DMXL2: variants seen among roughly 807,000 people sequenced by gnomAD.
DMXL2 encodes Dmx like 2.
Under a neutral mutation model 331.1 loss-of-function variants are expected in DMXL2, and 103 were observed. That is an observed-to-expected ratio of 0.31 (90% CI 0.27 to 0.37). The LOEUF (loss-of-function observed/expected upper bound fraction) is 0.37. DMXL2 is among the 10% of genes least tolerant of loss of function. DMXL2 has a pLI of 1.00. For synonymous variants in DMXL2, 1,281 were observed against 1,252.1 expected, an observed-to-expected ratio of 1.02 and a Z score of -0.49; for missense variants, 3,171 against 3,642.9, an observed-to-expected ratio of 0.87 and a Z score of 3.33.
intron 10 of DMXL2, among the ~76,000 whole-genome samples, 172 bp downstream of exon 10, chr15:51,538,041 T>C (rs2048380984): frequency 1.3e-5 from 2 of 152,228 alleles, no homozygotes; most frequent in South Asian, 4.1e-4. Context: ...TAGATGATGT[T>C]TGCAGGGGCT....
At chr15:51,570,798 A>G (rs2050617978) in intron 2 of DMXL2, among the ~76,000 whole-genome samples, 1 of 152,194 alleles carries the variant, frequency 6.6e-6, no homozygotes, top group African/African-American at 2.4e-5. Flanking sequence ...CTAAACATGG[A>G]AAGGAACAAC....
At chr15:51,580,266 G>A (rs757193005) in intron 1 of DMXL2, among the ~76,000 whole-genome samples, 3 of 152,170 alleles carry the variant, frequency 2.0e-5, no homozygotes, top group Non-Finnish European at 4.4e-5. Flanking sequence ...TAGTGCAGGA[G>A]GAAAACAGGG....
At chr15:51,489,683 A>G (rs1234674303) in intron 20 of DMXL2, among the ~76,000 whole-genome samples, 1 of 152,020 alleles carries the variant, frequency 6.6e-6, no homozygotes, top group Non-Finnish European at 1.5e-5. Flanking sequence ...GAAAGAAAGA[A>G]AAAGAAAAAA....
chr15:51,587,173 CTT>C (rs1490993326), intron 1 of DMXL2, among the ~76,000 whole-genome samples: 1 of 151,994 alleles, frequency 6.6e-6, no homozygotes, highest in African/African-American at 2.4e-5. Flanking sequence ...ATAAAAATAA[CTT>C]TTTTTATTAT....
At chr15:51,562,340 C>T (rs751110889) in intron 6 of DMXL2, among the ~76,000 whole-genome samples, 7 of 152,046 alleles carry the variant, frequency 4.6e-5, no homozygotes, top group South Asian at 2.1e-4. Flanking sequence ...CTTTCAGACA[C>T]GTAAGGCCTG....
At chr15:51,531,788 T>A (rs1406285121) in intron 13 of DMXL2, among the ~76,000 whole-genome samples, 1 of 152,016 alleles carries the variant, frequency 6.6e-6, no homozygotes, top group Non-Finnish European at 1.5e-5. Flanking sequence ...ATATCACAGA[T>A]CATCAGAGAA....
chr15:51,560,966 TTTTAA>T (rs1380238528), intron 6 of DMXL2, among the ~76,000 whole-genome samples: 9 of 146,054 alleles, frequency 6.2e-5, no homozygotes, highest in Non-Finnish European at 1.2e-4. Flanking sequence ...ATATATACTT[TTTTAA>T]TTTATGAAAT....
At chr15:51,478,140 G>A (rs1469044484) in intron 26 of DMXL2, 131 bp downstream of exon 26, 4 of 598,150 alleles carry the variant, frequency 6.7e-6, no homozygotes, top group African/African-American at 3.8e-5. Flanking sequence ...TGATTCTCTC[G>A]CATGTATTAA....
chr15:51,561,210 G>A (rs532219763), intron 6 of DMXL2, among the ~76,000 whole-genome samples: 4 of 152,272 alleles, frequency 2.6e-5, no homozygotes, highest in South Asian at 2.1e-4. Flanking sequence ...GAAATAACAC[G>A]AAAGAAATAA....
At chr15:51,504,764 C>A (rs1484508780) in intron 16 of DMXL2, among the ~76,000 whole-genome samples, 1 of 152,180 alleles carries the variant, frequency 6.6e-6, no homozygotes, top group African/African-American at 2.4e-5. Flanking sequence ...CCACTCCTGG[C>A]TTTATCACTA....
chr15:51,576,094 G>T lies in DMXL2; in HGVS notation c.175C>A (p.Gln59Lys). 1 of 1,579,186 alleles carries T rather than the reference G, an allele frequency of 6.3e-7. No homozygotes were observed. The change falls in exon 2 of 44, where the codon CAA becomes AAA. Residue 59 changes from glutamine (Q) to lysine (K), a missense_variant. Gln to Lys is a moderately conservative substitution (Grantham distance 53, BLOSUM62 1). This residue lies in a region of DMXL2 where 1,674 missense variants were observed against 1,780.2 expected (regional missense o/e 0.94). Coordinates refer to ENST00000560891, the MANE Select transcript of DMXL2 (RefSeq NM_001378457.1). ...IIPGAKHGNI[Q>K]VSCVECSNQQ... ...TTAGAACACTCCACACAGCTGACTT[G>T]GATGTTTCCATGCTTAGCACCAGGA...
At chr15:51,570,038 A>C (rs924854503) in intron 2 of DMXL2, among the ~76,000 whole-genome samples, 2 of 152,162 alleles carry the variant, frequency 1.3e-5, no homozygotes, top group Admixed American at 1.3e-4. Flanking sequence ...GAAGCTAAGA[A>C]CCTTGAAAAA....
Position 51,564,158 on chromosome 15 carries a change from A to C in DMXL2, c.467T>G (p.Val156Gly). 6.2e-7 allele frequency: 1 copy of C among 1,606,410 alleles called. No individual in the cohort carries two copies. The highest frequency in any genetic ancestry group is 8.5e-7 in the Non-Finnish European group (1 of 1,177,048). Residue 156 changes from valine to glycine, a missense_variant, in exon 5 of 44, where the codon GTT (valine) becomes GGT (glycine). Around this residue, in one of 7 missense-constraint regions of DMXL2, gnomAD observed 1,674 missense variants for 1,780.2 expected, o/e 0.94. Transcript: ENST00000560891. Reference sequence around the variant, plus strand: ...CCAGACACACTTCCAATCATTTAAAACAGGAGGAACTGTATTATCAATTTC... The same window carrying C: ...CCAGACACACTTCCAATCATTTAAACCAGGAGGAACTGTATTATCAATTTC... Reference protein sequence around the residue: ...EEEIDNTVPPVLNDWKCVWQC... With the variant: ...EEEIDNTVPPGLNDWKCVWQC...
At chr15:51,610,407 C>T (rs1371841088) in intron 1 of DMXL2, among the ~76,000 whole-genome samples, 1 of 152,126 alleles carries the variant, frequency 6.6e-6, no homozygotes, top group African/African-American at 2.4e-5. Flanking sequence ...GATTAACAAC[C>T]TTGACCTAAA....
chr15:51,545,803 A>C (rs777119465), intron 7 of DMXL2, 37 bp from the exon 8 acceptor site: 7 of 1,540,172 alleles, frequency 4.5e-6, no homozygotes, highest in South Asian at 2.4e-5. Flanking sequence ...GTTAATGTGA[A>C]TATCAATCCC....
At chr15:51,591,866 G>A (rs1036614864) in intron 1 of DMXL2, among the ~76,000 whole-genome samples, 1 of 152,176 alleles carries the variant, frequency 6.6e-6, no homozygotes, top group Non-Finnish European at 1.5e-5. Context: ...CTGACTCTTA[G>A]AAGGAAAACT....
In DMXL2 at chr15:51,447,908, CATTCTCATT is replaced by C. The variant is rs1324580236; in HGVS notation, c.*1067_*1075del. On this transcript the variant is annotated 3_prime_UTR_variant, in exon 44 of 44. Coordinates refer to ENST00000560891, the MANE Select transcript of DMXL2 (RefSeq NM_001378457.1). ...TACTATTTACCACACAGGCATTGAA[CATTCTCATT>C]AACATGATAAGACAATTTGCTGGTA... is the stretch of plus-strand genomic sequence containing the variant. The C allele has an allele frequency of 1.3e-5, 2 of 152,644 alleles. No homozygotes were observed. The highest frequency in any genetic ancestry group is 3.8e-4 in the East Asian group (2 of 5,198). 9.5% of individuals were successfully genotyped at this position (152,644 alleles called of 1,614,324 possible). A position where few individuals can be genotyped will look rare whatever the true frequency, so the allele number is the denominator to read the frequency against.
intron 1 of DMXL2, among the ~76,000 whole-genome samples, chr15:51,595,012 A>T (rs143311867): frequency 4.6e-5 from 7 of 151,152 alleles, no homozygotes; most frequent in African/African-American, 1.7e-4. Flanking sequence ...AACTGGCACA[A>T]GACAGGGATG....
intron 12 of DMXL2, 53 bp from the exon 13 acceptor site, chr15:51,535,837 T>C (rs2048258177): frequency 6.5e-7 from 1 of 1,543,834 alleles, no homozygotes; most frequent in Non-Finnish European, 8.7e-7. Context: ...GTATTTTTCT[T>C]ATTGGCTAAA....
Sources: allele counts gnomAD v4.1 joint callset (sites outside exome capture counted in the v4.1 genomes callset), GRCh38; gene constraint gnomAD v4.1.1; regional missense constraint gnomAD v4.1.1; transcripts MANE v1.5; gene names NCBI Gene and HGNC (gene_info 2026-07-23, HGNC 2026-07-21).